The following INPP5A variants were observed in gnomAD, a reference collection of about 807,000 sequenced individuals.
INPP5A encodes 43 kDa inositol polyphosphate 5-phophatase.
INPP5A carries 14 observed loss-of-function variants against 65.2 expected under a neutral mutation model. The ratio of observed to expected loss-of-function variants is 0.21; its 90% CI spans 0.14 to 0.34. INPP5A has a LOEUF of 0.34. INPP5A is among the 10% of genes least tolerant of loss of function. The pLI is 1.00. For missense variants in INPP5A, 431 were observed against 545.6 expected (o/e 0.79, Z 2.09); for synonymous variants, 207 against 208.3 (o/e 0.99, Z 0.05).
chr10:132,766,041 C>T (rs561191212), intron 12 of INPP5A, among the ~76,000 whole-genome samples, 195 bp downstream of exon 12: 10 of 152,240 alleles, frequency 6.6e-5, no homozygotes, highest in East Asian at 5.8e-4. Flanking sequence ...TGCACAGGTG[C>T]GTCTGTGTGT....
At chr10:132,649,394 A>G (rs2072542372) in intron 3 of INPP5A, among the ~76,000 whole-genome samples, 1 of 152,192 alleles carries the variant, frequency 6.6e-6, no homozygotes, top group South Asian at 2.1e-4. Flanking sequence ...GGACACATTC[A>G]CGTGGTGTTG....
chr10:132,697,249 A>G lies in INPP5A; in HGVS notation c.371-567A>G, dbSNP rs1276857939. 2.0e-5 allele frequency among the ~76,000 whole-genome samples: 3 copies of G among 152,226 alleles called. No individual in the cohort carries two copies. Among genetic ancestry groups the G allele is most frequent in the South Asian group, 2.1e-4 (1 of 4,832 alleles). On this transcript the variant is annotated intron_variant, in intron 5 of 15. Transcript: ENST00000368594. The surrounding 1 kb of genome is among the most constrained non-coding windows in gnomAD (Gnocchi z 5.6). Reference sequence around the variant, plus strand: ...AAAGGCTGAGGCCTGGTTGTGAACAATAGTGAGACGGGCCCTGCCCATGGC... The same window carrying G: ...AAAGGCTGAGGCCTGGTTGTGAACAGTAGTGAGACGGGCCCTGCCCATGGC...
At position 132,735,718 on chromosome 10, in the gene INPP5A, T is replaced by A. The variant is rs117251576; in HGVS notation, c.732+8813T>A. Among the ~76,000 whole-genome samples the A allele has an allele frequency of 4.6e-4, 70 of 152,306 alleles. 1 individual carries two copies. The East Asian group carries it at 0.013, about 29-fold the overall frequency. On this transcript the variant is annotated intron_variant, in intron 9 of 15. Transcript: ENST00000368594. ...CTGGAAAGACTCATCAGAGGTTAAT[T>A]AAATCCATCTCCACAGCAATGGGAG...
chr10:132,684,923 A>G (rs1023967882), intron 4 of INPP5A, among the ~76,000 whole-genome samples: 1 of 152,198 alleles, frequency 6.6e-6, no homozygotes, highest in African/African-American at 2.4e-5. Context: ...TGGGCTGCGT[A>G]TGAGGGGAGT....
intron 2 of INPP5A, among the ~76,000 whole-genome samples, chr10:132,612,208 T>G: frequency 9.1e-6 from 1 of 109,396 alleles, no homozygotes; most frequent in African/African-American, 3.7e-5. Flanking sequence ...GTGGAGGAAG[T>G]GAGGTGGGCA....
At chr10:132,710,296 T>C (rs747883469) in intron 7 of INPP5A, 41 bp from the exon 8 acceptor site, 2 of 1,605,344 alleles carry the variant, frequency 1.2e-6, no homozygotes, top group Middle Eastern at 1.7e-4. Flanking sequence ...ACCCGGAGGC[T>C]CCGGCCCTTG....
chr10:132,555,642 A>C lies in INPP5A; in HGVS notation c.75+17471A>C, dbSNP rs1004818556. 8.5e-5 allele frequency among the ~76,000 whole-genome samples: 13 copies of C among 152,188 alleles called. No homozygotes were observed. Among genetic ancestry groups the C allele is most frequent in the East Asian group, 7.7e-4 (4 of 5,196 alleles). On this transcript the variant is annotated intron_variant, in intron 1 of 15. Transcript: ENST00000368594. The surrounding 1 kb of genome is among the most constrained non-coding windows in gnomAD (Gnocchi z 4.4). The stretch of plus-strand genomic sequence containing the variant: ...GGGGCTTCTATCCTATCAGGGAGAG[A>C]GTTCAAGTGTATCCTAGCGTCTTGG...
chr10:132,671,468 G>C (rs1051370613), intron 4 of INPP5A, among the ~76,000 whole-genome samples: 2 of 151,566 alleles, frequency 1.3e-5, no homozygotes, highest in Non-Finnish European at 2.9e-5. Flanking sequence ...TCTGGACTCC[G>C]CCCTCCCTGC....
chr10:132,619,621 CT>C (rs1468683686), intron 2 of INPP5A, among the ~76,000 whole-genome samples: 1 of 152,202 alleles, frequency 6.6e-6, no homozygotes, highest in Non-Finnish European at 1.5e-5. Context: ...GACACTGCCC[CT>C]ATAGAGGTTC....
chr10:132,684,731 A>C (rs1223854986), intron 4 of INPP5A, among the ~76,000 whole-genome samples: 1 of 152,252 alleles, frequency 6.6e-6, no homozygotes, highest in Non-Finnish European at 1.5e-5. Flanking sequence ...ACGGAACGTC[A>C]GGCTTGGCCT....
At chr10:132,757,528 A>G (rs1491004405) in intron 11 of INPP5A, among the ~76,000 whole-genome samples, 1 of 152,238 alleles carries the variant, frequency 6.6e-6, no homozygotes, top group African/African-American at 2.4e-5. Context: ...TGGAGCGTAC[A>G]CGCGCTGTGA....
chr10:132,597,884 G>A (rs564600876), intron 1 of INPP5A, among the ~76,000 whole-genome samples: 1 of 142,816 alleles, frequency 7.0e-6, no homozygotes. Flanking sequence ...TGCGTGTTCC[G>A]GGGCTGTGCT....
chr10:132,559,290 A>AG (rs2071169407), intron 1 of INPP5A, among the ~76,000 whole-genome samples: 2 of 152,334 alleles, frequency 1.3e-5, no homozygotes, highest in South Asian at 4.1e-4. Flanking sequence ...CTGCCCCATC[A>AG]GTGGGGGGTT....
In INPP5A at chr10:132,575,961, G is replaced by A. The variant is rs1195281664; in HGVS notation, c.76-31954G>A. Reference sequence around the variant, plus strand: ...GCTCCCCTCTCCTCCTGAACCACGAGTACTTTCTGGGGAAATGATTTCACC... The same window carrying A: ...GCTCCCCTCTCCTCCTGAACCACGAATACTTTCTGGGGAAATGATTTCACC... On this transcript the variant is annotated intron_variant, in intron 1 of 15. Coordinates refer to ENST00000368594, the MANE Select transcript of INPP5A (RefSeq NM_005539.5). This position sits in a 1 kb window ranked among gnomAD's most constrained non-coding sequence, Gnocchi z 5.4. Among the ~76,000 whole-genome samples, 1 of 152,170 alleles carries A rather than the reference G, an allele frequency of 6.6e-6. No homozygotes were observed. Among genetic ancestry groups the A allele is most frequent in the Non-Finnish European group, 1.5e-5 (1 of 68,038 alleles).
In INPP5A at chr10:132,549,268, G is replaced by C. The variant is rs1216644560; in HGVS notation, c.75+11097G>C. Among the ~76,000 whole-genome samples, 1 of 152,212 alleles carries C rather than the reference G, an allele frequency of 6.6e-6. No homozygotes were observed. The highest frequency in any genetic ancestry group is 1.5e-5 in the Non-Finnish European group (1 of 68,036). On this transcript the variant is annotated intron_variant, in intron 1 of 15. Transcript: ENST00000368594. This position sits in a 1 kb window ranked among gnomAD's most constrained non-coding sequence, Gnocchi z 4.9. Reference sequence around the variant, plus strand: ...CTAGGGCTGGCCGAGTGGTCACTCTGTGGCTGTCTTTCCGGGAGCTGCTCA... The same window carrying C: ...CTAGGGCTGGCCGAGTGGTCACTCTCTGGCTGTCTTTCCGGGAGCTGCTCA...
At position 132,538,285 on chromosome 10, in the gene INPP5A, C is replaced by T; in HGVS notation, c.75+114C>T. 1 of 458,970 alleles carries T rather than the reference C, an allele frequency of 2.2e-6. No individual in the cohort carries two copies. Among genetic ancestry groups the T allele is most frequent in the South Asian group, 9.7e-5 (1 of 10,356 alleles). The allele number at this position is 458,970 out of a possible 1,614,324, so 28.4% of individuals were successfully genotyped here. On this transcript the variant is annotated intron_variant, in intron 1 of 15. Coordinates refer to ENST00000368594, the MANE Select transcript of INPP5A (RefSeq NM_005539.5). This position sits in a 1 kb window ranked among gnomAD's most constrained non-coding sequence, Gnocchi z 4.1. ...CCGTGAACCTCCAGACCCAGAGGCCCCAGACTCTGATCCCTGTACCCGGGA... is the reference window on the plus strand; with the variant it reads ...CCGTGAACCTCCAGACCCAGAGGCCTCAGACTCTGATCCCTGTACCCGGGA...
chr10:132,632,735 C>A (rs1053892199), intron 2 of INPP5A, among the ~76,000 whole-genome samples: 1 of 152,198 alleles, frequency 6.6e-6, no homozygotes, highest in South Asian at 2.1e-4. Flanking sequence ...TATATTAAAA[C>A]CAAAGGCAAT....
chr10:132,554,096 T>G (rs2071092334), intron 1 of INPP5A, among the ~76,000 whole-genome samples: 2 of 152,038 alleles, frequency 1.3e-5, no homozygotes, highest in African/African-American at 4.8e-5. Context: ...AGAGCCTTGG[T>G]GGAATATTGA....
rs2070959146 is a variant in INPP5A, at chr10:132,545,536, C to G, written c.75+7365C>G. Among the ~76,000 whole-genome samples, 1 of 152,242 alleles carries G rather than the reference C, an allele frequency of 6.6e-6. No homozygotes were observed. The highest frequency in any genetic ancestry group is 6.5e-5 in the Admixed American group (1 of 15,290). On this transcript the variant is annotated intron_variant, in intron 1 of 15. Coordinates refer to ENST00000368594, the MANE Select transcript of INPP5A (RefSeq NM_005539.5). This position sits in a 1 kb window ranked among gnomAD's most constrained non-coding sequence, Gnocchi z 4.6. ...CACTGCCCCTGCCGGGGTGTTCCCG[C>G]TGTCTCCTGGGCGGGTCCTTCTGAT...
Sources: allele counts gnomAD v4.1 joint callset (sites outside exome capture counted in the v4.1 genomes callset), GRCh38; gene constraint gnomAD v4.1.1; non-coding constraint Gnocchi (gnomAD v3.1); transcripts MANE v1.5; gene names NCBI Gene and HGNC (gene_info 2026-07-23, HGNC 2026-07-21).